HCN1: variants seen among roughly 807,000 people sequenced by gnomAD.
HCN1 encodes the protein hyperpolarization activated cyclic nucleotide gated potassium channel 1.
HCN1 carries 13 observed loss-of-function variants against 78.9 expected under a neutral mutation model. That is an observed-to-expected ratio of 0.16 (90% CI 0.11 to 0.26). The LOEUF (loss-of-function observed/expected upper bound fraction) is 0.26. Ranked by LOEUF, HCN1 falls within the 10% of genes least tolerant of loss-of-function variation. The pLI, the probability that HCN1 is intolerant of heterozygous loss-of-function variation, is 1.00. For synonymous variants in HCN1, 552 were observed against 455.5 expected (o/e 1.21, Z -2.70); for missense variants, 810 against 1,154.3 (o/e 0.70, Z 4.32).
intron 2 of HCN1, among the ~76,000 whole-genome samples, chr5:45,629,504 T>A (rs772148341): frequency 6.6e-6 from 1 of 152,142 alleles, no homozygotes; most frequent in Non-Finnish European, 1.5e-5. Flanking sequence ...ATTAAATATA[T>A]GATAGTAATA....
At chr5:45,487,507 T>G (rs1307683252) in intron 2 of HCN1, among the ~76,000 whole-genome samples, 1 of 151,952 alleles carries the variant, frequency 6.6e-6, no homozygotes, top group African/African-American at 2.4e-5. Context: ...ATTTTTAATA[T>G]ATCTAGGCCA....
chr5:45,333,339 G>T (rs189839800), intron 5 of HCN1, among the ~76,000 whole-genome samples: 10 of 151,428 alleles, frequency 6.6e-5, no homozygotes, highest in Non-Finnish European at 4.4e-5. Flanking sequence ...TGGATTATTA[G>T]ACTTTTTTCC....
At chr5:45,634,309 C>T (rs190965642) in intron 2 of HCN1, among the ~76,000 whole-genome samples, 2 of 152,038 alleles carry the variant, frequency 1.3e-5, no homozygotes, top group East Asian at 3.9e-4. Context: ...CTAGTAATAG[C>T]TTAAAGTATA....
chr5:45,494,892 C>A (rs1277613044), intron 2 of HCN1, among the ~76,000 whole-genome samples: 1 of 151,638 alleles, frequency 6.6e-6, no homozygotes, highest in Admixed American at 6.6e-5. Context: ...TCAGGTTTGT[C>A]AAAGATCAGA....
chr5:45,595,621 G>A (rs1744474382), intron 2 of HCN1, among the ~76,000 whole-genome samples: 1 of 151,872 alleles, frequency 6.6e-6, no homozygotes. Context: ...ATATATTTAA[G>A]GTATAATTTA....
intron 2 of HCN1, among the ~76,000 whole-genome samples, chr5:45,497,481 T>G (rs1742066277): frequency 6.6e-6 from 1 of 152,202 alleles, no homozygotes; most frequent in African/African-American, 2.4e-5. Flanking sequence ...TCTTTTGATC[T>G]TTGTTGGTTT....
At chr5:45,439,668 G>C (rs1168654398) in intron 3 of HCN1, among the ~76,000 whole-genome samples, 1 of 152,056 alleles carries the variant, frequency 6.6e-6, no homozygotes. Context: ...ATGGTTCAGA[G>C]ACACTGAAGA....
intron 2 of HCN1, among the ~76,000 whole-genome samples, chr5:45,580,773 G>C (rs1744050330): frequency 6.6e-6 from 1 of 152,086 alleles, no homozygotes; most frequent in African/African-American, 2.4e-5. Context: ...CCACCTATGA[G>C]TGAGAACATG....
chr5:45,331,547 G>T (rs368910085), intron 5 of HCN1, among the ~76,000 whole-genome samples: 3 of 151,034 alleles, frequency 2.0e-5, no homozygotes, highest in African/African-American at 7.3e-5. Flanking sequence ...TTTACTTCAC[G>T]TAATCAACAT....
chr5:45,599,412 G>A (rs1561215483), intron 2 of HCN1, among the ~76,000 whole-genome samples: 1 of 151,878 alleles, frequency 6.6e-6, no homozygotes, highest in African/African-American at 2.4e-5. Context: ...CATGTCAGGG[G>A]GTGGGGGCTG....
chr5:45,393,321 T>C (rs1221026324), intron 4 of HCN1, among the ~76,000 whole-genome samples: 1 of 152,110 alleles, frequency 6.6e-6, no homozygotes, highest in Non-Finnish European at 1.5e-5. Context: ...AGTTATTTGA[T>C]TGGAGACAGC....
At chr5:45,374,261 TAA>T (rs1491381681) in intron 4 of HCN1, among the ~76,000 whole-genome samples, 3 of 118,668 alleles carry the variant, frequency 2.5e-5, no homozygotes, top group Non-Finnish European at 5.0e-5. Context: ...ATTATATACA[TAA>T]CATATATATT....
At chr5:45,560,590 T>C (rs1018442797) in intron 2 of HCN1, among the ~76,000 whole-genome samples, 1 of 152,014 alleles carries the variant, frequency 6.6e-6, no homozygotes, top group Non-Finnish European at 1.5e-5. Flanking sequence ...ACCAAAAAGT[T>C]GGTTTCATTG....
chr5:45,404,783 T>C (rs1342951012), intron 3 of HCN1, among the ~76,000 whole-genome samples: 1 of 142,442 alleles, frequency 7.0e-6, no homozygotes, highest in African/African-American at 2.6e-5. Context: ...ACATAATATA[T>C]CCAATTCAAA....
intron 3 of HCN1, among the ~76,000 whole-genome samples, chr5:45,437,354 C>CT (rs978571490): frequency 1.3e-5 from 2 of 152,048 alleles, no homozygotes. Flanking sequence ...ATTTCAATTT[C>CT]TTTTTTACAA....
chr5:45,660,652 TC>T (rs1745912259), intron 1 of HCN1, among the ~76,000 whole-genome samples: 1 of 149,260 alleles, frequency 6.7e-6, no homozygotes, highest in Non-Finnish European at 1.5e-5. Context: ...GGGGTTGCAA[TC>T]CTAGTCTCTG....
At chr5:45,372,146 T>A (rs371675519) in intron 4 of HCN1, among the ~76,000 whole-genome samples, 7,330 of 52,032 alleles carry the variant, frequency 0.14, 973 homozygotes, top group African/African-American at 0.36. Flanking sequence ...TAATAATATA[T>A]TATATAATAT....
chr5:45,449,590 A>C (rs566794365), intron 3 of HCN1, among the ~76,000 whole-genome samples: 7 of 149,564 alleles, frequency 4.7e-5, no homozygotes, highest in Admixed American at 6.6e-5. Flanking sequence ...TGTTAATAAC[A>C]CTTCTTCATT....
At chr5:45,370,643 T>C (rs1173526447) in intron 4 of HCN1, among the ~76,000 whole-genome samples, 1 of 152,080 alleles carries the variant, frequency 6.6e-6, no homozygotes, top group Non-Finnish European at 1.5e-5. Context: ...AAGAGATAAA[T>C]ATAATTTATC....
Sources: gnomAD v4.1 joint callset for allele counts (sites outside exome capture counted in the v4.1 genomes callset) on GRCh38, gnomAD v4.1.1 for gene constraint, MANE v1.5 for transcripts, NCBI Gene and HGNC (gene_info 2026-07-23, HGNC 2026-07-21) for gene names.